ZYG11B: variants seen among roughly 807,000 people sequenced by gnomAD.
ZYG11B encodes zyg-11 family member B, cell cycle regulator.
ZYG11B carries 36 observed loss-of-function variants against 82.4 expected under a neutral mutation model. The ratio of observed to expected loss-of-function variants is 0.44; its 90% CI spans 0.33 to 0.58. The LOEUF (loss-of-function observed/expected upper bound fraction) is 0.58, where lower values mean the gene tolerates loss of function less well. Among genes scored for constraint, ZYG11B ranks in the 20% least tolerant of loss-of-function variants. The pLI is 0.02. For missense variants in ZYG11B, 552 were observed against 895.6 expected (o/e 0.62, Z 4.90); for synonymous variants, 303 against 312.8 (o/e 0.97, Z 0.33).
intron 2 of ZYG11B, among the ~76,000 whole-genome samples, chr1:52,770,153 G>A (rs1465461160): frequency 1.4e-5 from 2 of 147,782 alleles, no homozygotes; most frequent in East Asian, 2.0e-4. Context: ...GTGCAATGGT[G>A]CAATCATAAT....
At chr1:52,769,374 A>G (rs1246476860) in intron 2 of ZYG11B, among the ~76,000 whole-genome samples, 2 of 152,328 alleles carry the variant, frequency 1.3e-5, no homozygotes, top group African/African-American at 4.8e-5. Context: ...ATTTAACCCA[A>G]TATATTAAAA....
chr1:52,806,703 T>C (rs1645144392), intron 10 of ZYG11B, among the ~76,000 whole-genome samples: 1 of 152,208 alleles, frequency 6.6e-6, no homozygotes, highest in Non-Finnish European at 1.5e-5. Context: ...TATTTGTCTT[T>C]ATATTTAAAA....
At chr1:52,742,841 CAAAA>C (rs746756692) in intron 1 of ZYG11B, among the ~76,000 whole-genome samples, 3 of 100,134 alleles carry the variant, frequency 3.0e-5, no homozygotes, top group Admixed American at 1.0e-4. Flanking sequence ...GCCTCCGTCT[CAAAA>C]AAAAAAAAAA....
intron 10 of ZYG11B, among the ~76,000 whole-genome samples, chr1:52,809,265 C>A (rs1295604286): frequency 2.0e-5 from 3 of 152,122 alleles, no homozygotes; most frequent in African/African-American, 7.2e-5. Context: ...CACTACCACT[C>A]ATCTCTGTAA....
chr1:52,731,788 A>G (rs1644334653), intron 1 of ZYG11B, among the ~76,000 whole-genome samples: 1 of 152,094 alleles, frequency 6.6e-6, no homozygotes, highest in South Asian at 2.1e-4. Context: ...TTAAGCAGCA[A>G]CACTAATAGC....
chr1:52,773,718 C>G (rs1174016094), intron 3 of ZYG11B, among the ~76,000 whole-genome samples: 1 of 128,800 alleles, frequency 7.8e-6, no homozygotes, highest in Non-Finnish European at 1.6e-5. Flanking sequence ...TCTTGGCTCA[C>G]TACAACCTCT....
intron 1 of ZYG11B, among the ~76,000 whole-genome samples, chr1:52,737,956 A>G (rs1461777793): frequency 1.3e-5 from 2 of 152,254 alleles, no homozygotes; most frequent in African/African-American, 4.8e-5. Context: ...ACTAGCCTAA[A>G]TGGCACTTTT....
At chr1:52,800,599 A>G (rs1486031000) in intron 8 of ZYG11B, among the ~76,000 whole-genome samples, 1 of 152,050 alleles carries the variant, frequency 6.6e-6, no homozygotes, top group Non-Finnish European at 1.5e-5. Context: ...ACCTGAGATC[A>G]GGAGTTCGAG....
chr1:52,820,521 G>A (rs1377407622), intron 13 of ZYG11B, among the ~76,000 whole-genome samples: 1 of 151,424 alleles, frequency 6.6e-6, no homozygotes, highest in African/African-American at 2.4e-5. Flanking sequence ...GGTGGCTGGT[G>A]CCTATAGTCC....
chr1:52,727,809 G>T (rs898391125), intron 1 of ZYG11B, among the ~76,000 whole-genome samples: 6 of 152,130 alleles, frequency 3.9e-5, no homozygotes, highest in African/African-American at 1.2e-4. Flanking sequence ...GTTATAAGTG[G>T]TTTGCTGTAC....
intron 4 of ZYG11B, among the ~76,000 whole-genome samples, chr1:52,782,506 A>G (rs1644864952): frequency 6.6e-6 from 1 of 152,120 alleles, no homozygotes; most frequent in South Asian, 2.1e-4. Flanking sequence ...CTTCTGCCTC[A>G]ACCTCTCGAA....
intron 2 of ZYG11B, among the ~76,000 whole-genome samples, chr1:52,767,723 T>C (rs568710763): frequency 1.3e-5 from 2 of 152,234 alleles, no homozygotes; most frequent in South Asian, 4.2e-4. Flanking sequence ...CTTCCCTAAA[T>C]GAGAGGGGTA....
chr1:52,806,388 C>T lies in ZYG11B; in HGVS notation c.1695+4249C>T, dbSNP rs559842623. 6.6e-5 allele frequency among the ~76,000 whole-genome samples: 10 copies of T among 152,262 alleles called. No individual in the cohort carries two copies. The South Asian group carries it at 2.1e-3, about 32-fold the overall frequency. On this transcript the variant is annotated intron_variant, in intron 10 of 13. Coordinates refer to ENST00000294353, the MANE Select transcript of ZYG11B (RefSeq NM_024646.3). ...ACATCCTTTCTAATTTTCTGCCTAC[C>T]TGTTCTATCAATTATTGACAAAGGA...
chr1:52,748,189 A>G (rs1231670368), intron 1 of ZYG11B, among the ~76,000 whole-genome samples: 1 of 152,188 alleles, frequency 6.6e-6, no homozygotes, highest in Non-Finnish European at 1.5e-5. Context: ...CTCATCTTTA[A>G]AATGCAATAA....
chr1:52,813,824 A>G (rs1645202883), intron 11 of ZYG11B, 36 bp from the exon 12 acceptor site: 1 of 1,613,758 alleles, frequency 6.2e-7, no homozygotes, highest in Admixed American at 1.7e-5. Context: ...CTAAATAAAT[A>G]TTGTAATCCT....
intron 2 of ZYG11B, among the ~76,000 whole-genome samples, chr1:52,760,764 T>A (rs1435123305): frequency 6.8e-6 from 1 of 147,254 alleles, no homozygotes; most frequent in Non-Finnish European, 1.5e-5. Flanking sequence ...GGCCTACTTT[T>A]TTTTTTTTTT....
intron 2 of ZYG11B, among the ~76,000 whole-genome samples, chr1:52,759,086 C>CA (rs1267600743): frequency 6.6e-6 from 1 of 152,096 alleles, no homozygotes; most frequent in East Asian, 1.9e-4. Flanking sequence ...TGCCCACCAA[C>CA]ACGCCCAGCT....
Position 52,779,293 on chromosome 1 carries a change from A to G in ZYG11B, c.952-560A>G, listed in dbSNP as rs188529997. Among the ~76,000 whole-genome samples the G allele has an allele frequency of 9.7e-4, 147 of 152,274 alleles. No homozygotes were observed. In the Middle Eastern group the frequency reaches 0.014, roughly 14 times the overall value. On this transcript the variant is annotated intron_variant, in intron 3 of 13. Coordinates refer to ENST00000294353, the MANE Select transcript of ZYG11B (RefSeq NM_024646.3). ...GTAGGGCCTTATAATAGTGTTAAATATCTTGAGATCTATTTTAGGTATAAT... is the reference window on the plus strand; with the variant it reads ...GTAGGGCCTTATAATAGTGTTAAATGTCTTGAGATCTATTTTAGGTATAAT...
chr1:52,731,902 A>T (rs879525813), intron 1 of ZYG11B, among the ~76,000 whole-genome samples: 1 of 152,160 alleles, frequency 6.6e-6, no homozygotes, highest in Non-Finnish European at 1.5e-5. Flanking sequence ...TCCCAGGCCC[A>T]AGCCATCCTC....
Sources: gnomAD v4.1 joint callset for allele counts (sites outside exome capture counted in the v4.1 genomes callset) on GRCh38, gnomAD v4.1.1 for gene constraint, MANE v1.5 for transcripts, NCBI Gene and HGNC (gene_info 2026-07-23, HGNC 2026-07-21) for gene names.